The following FIBP variants were observed in gnomAD, a reference collection of about 807,000 sequenced individuals.
FIBP encodes acidic fibroblast growth factor intracellular-binding protein.
FIBP carries 29 observed loss-of-function variants against 40.5 expected under a neutral mutation model. The observed-to-expected ratio is 0.72, with a 90% CI of 0.53 to 0.98. The LOEUF is 0.98. FIBP is among the 50% of genes least tolerant of loss of function. FIBP has a pLI of 0.00. For missense variants in FIBP, 411 were observed against 470.2 expected, an observed-to-expected ratio of 0.87 and a Z score of 1.16; for synonymous variants, 215 against 191.1, an observed-to-expected ratio of 1.13 and a Z score of -1.03.
chr11:65,886,650 C>T (rs1456492414), intron 3 of FIBP: 2 of 497,574 alleles, frequency 4.0e-6, no homozygotes, highest in East Asian at 3.3e-5. Context: ...AATGTTTACT[C>T]AATCTTATCT....
rs202145673 is a variant in FIBP at position 65,885,438 on chromosome 11, G to A, written c.646+92C>T. ...GGGCCATGAACAGGAGCGGATGCCA[G>A]GAACTGAGGGCCTGTGGGAGAAACT... On this transcript the variant is annotated intron_variant, in intron 5 of 9. Coordinates refer to ENST00000357519, the MANE Select transcript of FIBP (RefSeq NM_004214.5). The A allele has an allele frequency of 8.0e-4, 1,191 of 1,497,238 alleles. 2 individuals carry two copies. The highest frequency in any genetic ancestry group is 1.0e-3 in the Non-Finnish European group (1,143 of 1,102,786). The allele number at this position is 1,497,238 out of a possible 1,614,324, so 92.7% of individuals were successfully genotyped here. A position where few individuals can be genotyped will look rare whatever the true frequency, so the allele number is the denominator to read the frequency against.
In FIBP at chr11:65,885,005, A is replaced by G. The variant is rs959910087; in HGVS notation, c.756-7T>C. 1.9e-6 allele frequency: 3 copies of G among 1,614,060 alleles called. No homozygotes were observed. Among genetic ancestry groups the G allele is most frequent in the African/African-American group, 2.7e-5 (2 of 74,920 alleles). On this transcript the variant is annotated splice_region_variant and splice_polypyrimidine_tract_variant and intron_variant, in intron 6 of 9. Coordinates refer to ENST00000357519, the MANE Select transcript of FIBP (RefSeq NM_004214.5). The stretch of plus-strand genomic sequence containing the variant: ...GAGAGCAGTGCACACCAGGCTGCAG[A>G]GAGACAGGGTCACGCCTATAGCCAC...
At chr11:65,884,825 C>T in intron 7 of FIBP, 110 bp downstream of exon 7, 1 of 1,405,530 alleles carries the variant, frequency 7.1e-7, no homozygotes, top group Non-Finnish European at 1.0e-6. Flanking sequence ...CCAGAGGGAG[C>T]AGCAGTGCCA....
Position 65,888,349 on chromosome 11 carries a change from G to A in FIBP, c.70C>T (p.Leu24Phe). 1 of 1,556,708 alleles carries A rather than the reference G, an allele frequency of 6.4e-7. No homozygotes were observed. The stretch of plus-strand genomic sequence containing the variant: ...CCTCACGGACCCGAGTAACCATCGA[G>A]CCAGAGGCGATACACGTCCTCGTCG... Reference protein sequence around the residue: ...LIDEDVYRLWLDGYSVTDAVA... With the variant: ...LIDEDVYRLWFDGYSVTDAVA... The change falls in exon 1 of 10, where the codon CTC (leucine) becomes TTC (phenylalanine). Residue 24 changes from leucine to phenylalanine, a missense_variant. Transcript: ENST00000357519.
At chr11:65,884,756 T>G in intron 7 of FIBP, 100 bp from the exon 8 acceptor site, 1 of 1,336,468 alleles carries the variant, frequency 7.5e-7, no homozygotes, top group Non-Finnish European at 1.1e-6. Flanking sequence ...CCCAGATCCA[T>G]CCACCTCCCT....
In FIBP at chr11:65,883,905, G is replaced by C; in HGVS notation, c.*69C>G. On this transcript the variant is annotated 3_prime_UTR_variant, in exon 10 of 10. Transcript: ENST00000357519. ...TCTGCACGCCCCCCACTTGCTCCCC[G>C]GAGCGAGGACCAGTCTCCAAACTCA... 1 of 1,411,892 alleles carries C rather than the reference G, an allele frequency of 7.1e-7. No homozygotes were observed. Among genetic ancestry groups the C allele is most frequent in the Middle Eastern group, 1.9e-4 (1 of 5,284 alleles). 87.5% of individuals were successfully genotyped at this position (1,411,892 alleles called of 1,614,324 possible). A position where few individuals can be genotyped will look rare whatever the true frequency, so the allele number is the denominator to read the frequency against.
intron 7 of FIBP, 74 bp from the exon 8 acceptor site, chr11:65,884,730 G>A (rs1860186056): frequency 6.7e-7 from 1 of 1,503,444 alleles, no homozygotes; most frequent in East Asian, 2.3e-5. Context: ...GCTGGGGGAG[G>A]AGGAGCAGGC....
At position 65,884,493 on chromosome 11, in the gene FIBP, C is replaced by G; in HGVS notation, c.907-4G>C. Reference sequence around the variant, plus strand: ...CGGAGCGGCAGGGTTCCACAAACTGCGGGCCCAAGAGAATACTTAGCACTT... The same window carrying G: ...CGGAGCGGCAGGGTTCCACAAACTGGGGGCCCAAGAGAATACTTAGCACTT... On this transcript the variant is annotated splice_region_variant and splice_polypyrimidine_tract_variant and intron_variant, in intron 8 of 9. Transcript: ENST00000357519. The G allele has an allele frequency of 6.2e-7, 1 of 1,614,096 alleles. No individual in the cohort carries two copies. The highest frequency in any genetic ancestry group is 8.5e-7 in the Non-Finnish European group (1 of 1,179,998).
intron 2 of FIBP, 49 bp downstream of exon 2, chr11:65,887,885 G>T: frequency 6.3e-7 from 1 of 1,597,712 alleles, no homozygotes; most frequent in Non-Finnish European, 8.6e-7. Flanking sequence ...GGCAAAATGG[G>T]TATACAGTCA....
At position 65,888,138 on chromosome 11, in the gene FIBP, A is replaced by C; in HGVS notation, c.86-6T>G. On this transcript the variant is annotated splice_region_variant and splice_polypyrimidine_tract_variant and intron_variant, in intron 1 of 9. Coordinates refer to ENST00000357519, the MANE Select transcript of FIBP (RefSeq NM_004214.5). ...CAGGGCCACCGCGTCGGTCACTGGA[A>C]AGCGGACGCTAGCATCAGGCCCCGC... is the stretch of plus-strand genomic sequence containing the variant. 2.6e-6 allele frequency: 4 copies of C among 1,557,594 alleles called. No homozygotes were observed. Among genetic ancestry groups the C allele is most frequent in the Non-Finnish European group, 3.5e-6 (4 of 1,154,218 alleles).
Position 65,884,440 on chromosome 11 carries a change from A to C in FIBP, c.956T>G (p.Phe319Cys). 1.9e-6 allele frequency: 3 copies of C among 1,614,198 alleles called. No homozygotes were observed. Among genetic ancestry groups the C allele is most frequent in the Non-Finnish European group, 2.5e-6 (3 of 1,180,030 alleles). ...SDHWPLSDVR[F>C]FLNQYSASVH... ...AGACGCTGAATACTGATTCAGGAAG[A>C]ACCGCACGTCGCTGAGTGGCCAGTG... The change falls in exon 9 of 10, where the codon TTC becomes TGC. Residue 319 changes from phenylalanine (F) to cysteine (C), a missense_variant. Coordinates refer to ENST00000357519, the MANE Select transcript of FIBP (RefSeq NM_004214.5).
Position 65,887,673 on chromosome 11 carries a change from G to C in FIBP, c.338C>G (p.Ser113Cys). 6.2e-7 allele frequency: 1 copy of C among 1,614,140 alleles called. No homozygotes were observed. Among genetic ancestry groups the C allele is most frequent in the East Asian group, 2.2e-5 (1 of 44,884 alleles). Reference protein sequence around the residue: ...FVREVLGKKLSKGTKKDLDDI... With the variant: ...FVREVLGKKLCKGTKKDLDDI... ...ATCCAGGTCTTTCTTGGTGCCTTTG[G>C]ACAGCTTCTTGCCCAGCACCTCCCG... Residue 113 changes from serine to cysteine, a missense_variant, in exon 3 of 10, where the codon TCC (serine) becomes TGC (cysteine). Transcript: ENST00000357519.
At position 65,888,452 on chromosome 11, in the gene FIBP, A is replaced by G; in HGVS notation, c.-34T>C. The G allele has an allele frequency of 6.6e-7, 1 of 1,506,298 alleles. No homozygotes were observed. The highest frequency in any genetic ancestry group is 9.0e-7 in the Non-Finnish European group (1 of 1,108,256). The allele number at this position is 1,506,298 out of a possible 1,614,324, so 93.3% of individuals were successfully genotyped here. A position where few individuals can be genotyped will look rare whatever the true frequency, so the allele number is the denominator to read the frequency against. ...CCGGGGCCGCAGCGCCCCGAGCAGG[A>G]GCGAGCACTGCTCGGGACTGGCGCG... On this transcript the variant is annotated 5_prime_UTR_variant, in exon 1 of 10. Transcript: ENST00000357519.
rs1801976 is a variant in FIBP, at chr11:65,884,600, G to C, written c.876C>G (p.Val292=). The C allele has an allele frequency of 3.1e-6, 5 of 1,614,198 alleles. No individual in the cohort carries two copies. The highest frequency in any genetic ancestry group is 4.2e-6 in the Non-Finnish European group (5 of 1,180,038). The change falls in exon 8 of 10, where the codon GTC becomes GTG. Residue 292 remains valine, a synonymous_variant. Coordinates refer to ENST00000357519, the MANE Select transcript of FIBP (RefSeq NM_004214.5). ...CCACGAGGTCCACAAACAGGTCTCT[G>C]ACATCTTTATTGTGGGTCAGCTTGG... ...VAAKLTHNKD[V]RDLFVDLVEK...
In FIBP at chr11:65,885,434, G is replaced by A. The variant is rs1860210048; in HGVS notation, c.646+96C>T. The A allele has an allele frequency of 2.7e-6, 4 of 1,465,936 alleles. No homozygotes were observed. In the South Asian group the frequency reaches 5.0e-5, roughly 18 times the overall value. The allele number at this position is 1,465,936 out of a possible 1,614,324, so 90.8% of individuals were successfully genotyped here. ...GTGGGGGCCATGAACAGGAGCGGAT[G>A]CCAGGAACTGAGGGCCTGTGGGAGA... On this transcript the variant is annotated intron_variant, in intron 5 of 9. Coordinates refer to ENST00000357519, the MANE Select transcript of FIBP (RefSeq NM_004214.5).
intron 7 of FIBP, 117 bp downstream of exon 7, chr11:65,884,818 G>T: frequency 7.2e-7 from 1 of 1,381,538 alleles, no homozygotes; most frequent in Non-Finnish European, 1.0e-6. Context: ...GCGGCCACCA[G>T]AGGGAGCAGC....
At chr11:65,887,452 A>G (rs1330981191) in intron 3 of FIBP, 148 bp downstream of exon 3, 9 of 954,784 alleles carry the variant, frequency 9.4e-6, no homozygotes, top group African/African-American at 3.3e-5. Context: ...TCTCGAAAAA[A>G]AAAAAAAAAA....
rs931322560 is a variant in FIBP at position 65,885,085 on chromosome 11, G to T, written c.748C>A (p.His250Asn). 5.0e-6 allele frequency: 8 copies of T among 1,613,630 alleles called. No homozygotes were observed. In the Admixed American group the frequency reaches 1.0e-4, roughly 20 times the overall value. Residue 250 changes from histidine (H) to asparagine (N), a missense_variant, in exon 6 of 10, where the codon CAC (histidine) becomes AAC (asparagine). By Grantham distance (68) the His-to-Asn change is moderately conservative. Coordinates refer to ENST00000357519, the MANE Select transcript of FIBP (RefSeq NM_004214.5). ...LVADKDLLDL[H>N]KSLVCTALRG... is the part of the protein sequence containing the mutation. ...GGGCCCCTACAAGGTCACCTCTTGT[G>T]CAGGTCCAGAAGGTCCTTGTCAGCC...
rs1255877453 is a variant in FIBP, at chr11:65,884,426, A to G, written c.970T>C (p.Tyr324His). 1 of 1,614,134 alleles carries G rather than the reference A, an allele frequency of 6.2e-7. No individual in the cohort carries two copies. Among genetic ancestry groups the G allele is most frequent in the Admixed American group, 1.7e-5 (1 of 60,012 alleles). ...TCGAGGGAGTGGACAGACGCTGAATACTGATTCAGGAAGAACCGCACGTCG... is the reference window on the plus strand; with the variant it reads ...TCGAGGGAGTGGACAGACGCTGAATGCTGATTCAGGAAGAACCGCACGTCG... ...LSDVRFFLNQ[Y>H]SASVHSLDGF... is the part of the protein sequence containing the mutation. The change falls in exon 9 of 10, where the codon TAT becomes CAT. Residue 324 changes from tyrosine to histidine, a missense_variant. Coordinates refer to ENST00000357519, the MANE Select transcript of FIBP (RefSeq NM_004214.5).
Sources: gnomAD v4.1 joint callset for allele counts on GRCh38, gnomAD v4.1.1 for gene constraint, MANE v1.5 for transcripts, NCBI Gene and HGNC (gene_info 2026-07-23, HGNC 2026-07-21) for gene names.